Variants in RANBP2 observed in about 807,000 individuals in gnomAD.
RANBP2 encodes the protein RAN binding protein 2.
RANBP2 carries 57 observed loss-of-function variants against 303.6 expected under a neutral mutation model. That is an observed-to-expected ratio of 0.19 (90% CI 0.15 to 0.23). The LOEUF is 0.23. RANBP2 is among the 10% of genes least tolerant of loss of function. RANBP2 has a pLI of 1.00. For synonymous variants in RANBP2, 1,167 were observed against 1,301.5 expected (o/e 0.90, Z 2.23); for missense variants, 3,138 against 3,780.8 (o/e 0.83, Z 4.46).
chr2:108,990,800 T>C, the RANBP2 span, among the ~76,000 whole-genome samples: 35,874 of 152,102 alleles, frequency 0.24, 5,939 homozygotes, highest in East Asian at 0.84. Flanking sequence ...GGTTTGGTTG[T>C]CTACCCTGCT....
the RANBP2 span, among the ~76,000 whole-genome samples, chr2:109,050,059 G>T: frequency 6.6e-6 from 1 of 151,936 alleles, no homozygotes; most frequent in Non-Finnish European, 1.5e-5. Flanking sequence ...GTGTCTCTTG[G>T]GCCCTCTTAA....
At chr2:109,611,988 CCA>C in the RANBP2 span, among the ~76,000 whole-genome samples, 6 of 152,168 alleles carry the variant, frequency 3.9e-5, no homozygotes, top group South Asian at 1.0e-3. Context: ...GGCATCTATC[CCA>C]AAGAACTGAA....
chr2:108,929,212 G>A, the RANBP2 span: 1 of 1,613,970 alleles, frequency 6.2e-7, no homozygotes, highest in Non-Finnish European at 8.5e-7. Flanking sequence ...GGAGGCAAGG[G>A]CCACACTCAG....
chr2:109,646,890 T>C, the RANBP2 span, among the ~76,000 whole-genome samples: 1 of 152,176 alleles, frequency 6.6e-6, no homozygotes, highest in Non-Finnish European at 1.5e-5. Context: ...AATTCTATTT[T>C]GGGTGTAAGC....
the RANBP2 span, among the ~76,000 whole-genome samples, chr2:109,653,692 T>C: frequency 6.6e-6 from 1 of 152,156 alleles, no homozygotes; most frequent in African/African-American, 2.4e-5. Flanking sequence ...CACAAAATAA[T>C]TTCCTTTCAA....
the RANBP2 span, among the ~76,000 whole-genome samples, chr2:109,103,238 A>G: frequency 1.3e-5 from 2 of 152,230 alleles, no homozygotes; most frequent in Non-Finnish European, 2.9e-5. Flanking sequence ...TGTTGATGAA[A>G]ACAGTTGAAC....
At chr2:108,781,481 G>A in intron 26 of RANBP2, 52 bp downstream of exon 26, 2 of 1,565,198 alleles carry the variant, frequency 1.3e-6, no homozygotes, top group East Asian at 4.5e-5. Flanking sequence ...TCATTTTTAA[G>A]TTTTACCCTG....
At chr2:108,873,346 T>A in the RANBP2 span, 3 of 1,061,344 alleles carry the variant, frequency 2.8e-6, no homozygotes, top group Admixed American at 9.1e-5. Flanking sequence ...AATGAAAATC[T>A]AAATGAATAT....
chr2:109,502,825 T>A, the RANBP2 span: 1 of 152,240 alleles, frequency 6.6e-6, no homozygotes, highest in Non-Finnish European at 1.5e-5. Context: ...GAAGATGATT[T>A]CTTGGTATCA....
the RANBP2 span, among the ~76,000 whole-genome samples, chr2:108,803,040 T>A: frequency 6.6e-6 from 1 of 152,220 alleles, no homozygotes; most frequent in Non-Finnish European, 1.5e-5. Context: ...CTGTGCCTCT[T>A]AAAGGTTGGT....
At chr2:109,484,862 T>C in the RANBP2 span, among the ~76,000 whole-genome samples, 1 of 152,154 alleles carries the variant, frequency 6.6e-6, no homozygotes. Context: ...GAGGATCCAC[T>C]TGTGTCTGAA....
chr2:109,655,377 G>T, the RANBP2 span, among the ~76,000 whole-genome samples: 1 of 152,184 alleles, frequency 6.6e-6, no homozygotes, highest in Non-Finnish European at 1.5e-5. Flanking sequence ...GTCCAATCAA[G>T]TCTCTCACTC....
the RANBP2 span, among the ~76,000 whole-genome samples, chr2:108,820,046 A>G: frequency 1.8e-4 from 27 of 152,232 alleles, no homozygotes; most frequent in Admixed American, 2.6e-4. Context: ...CAATATCTGA[A>G]CTATAAAAGT....
At position 108,749,068 on chromosome 2, in the gene RANBP2, T is replaced by C. The variant is rs1482439383; in HGVS notation, c.1212T>C (p.Asp404=). Residue 404 remains aspartate, a synonymous_variant, in exon 9 of 29, where the codon GAT becomes GAC. Coordinates refer to ENST00000283195, the MANE Select transcript of RANBP2 (RefSeq NM_006267.5). ...SPKDTSFLGS[D]DIGNIDVREP... is the part of the protein sequence containing the mutation. ...AGGATACATCTTTTCTTGGTAGCGA[T>C]GATATTGGAAACATTGATGTACGAG... 6.2e-7 allele frequency: 1 copy of C among 1,612,000 alleles called. No homozygotes were observed. The highest frequency in any genetic ancestry group is 8.5e-7 in the Non-Finnish European group (1 of 1,179,856).
At chr2:109,401,349 G>A in the RANBP2 span, among the ~76,000 whole-genome samples, 247 of 152,316 alleles carry the variant, frequency 1.6e-3, no homozygotes, top group Non-Finnish European at 2.9e-3. Context: ...GAGGAGCAGC[G>A]GCCTGGCCCT....
the RANBP2 span, among the ~76,000 whole-genome samples, chr2:109,450,926 A>G: frequency 6.6e-6 from 1 of 152,250 alleles, no homozygotes; most frequent in African/African-American, 2.4e-5. Context: ...GGTGTGTTCC[A>G]GGCAAGGACA....
chr2:109,437,686 C>T, the RANBP2 span, among the ~76,000 whole-genome samples: 1 of 151,058 alleles, frequency 6.6e-6, no homozygotes, highest in African/African-American at 2.4e-5. Flanking sequence ...GGAATGACAG[C>T]TGTTGATCCT....
the RANBP2 span, chr2:108,794,560 A>G: frequency 6.2e-7 from 1 of 1,611,286 alleles, no homozygotes; most frequent in East Asian, 2.2e-5. Flanking sequence ...AACTAATACG[A>G]CCTCATCGAG....
chr2:109,479,673 T>C, the RANBP2 span, among the ~76,000 whole-genome samples: 1 of 152,254 alleles, frequency 6.6e-6, no homozygotes, highest in Admixed American at 6.5e-5. Flanking sequence ...TTTTGTCTCC[T>C]CATTTTTAAA....
Sources: allele counts gnomAD v4.1 joint callset (sites outside exome capture counted in the v4.1 genomes callset), GRCh38; gene constraint gnomAD v4.1.1; transcripts MANE v1.5; gene names NCBI Gene and HGNC (gene_info 2026-07-23, HGNC 2026-07-21).